SLC12A7: variants seen among roughly 807,000 people sequenced by gnomAD.
SLC12A7 encodes K-Cl cotransporter 4.
A neutral mutation model predicts 120.6 loss-of-function variants in SLC12A7; 100 were observed. That is an observed-to-expected ratio of 0.83 (90% CI 0.71 to 0.98). SLC12A7 has a LOEUF of 0.98. Among genes scored for constraint, SLC12A7 ranks in the 50% least tolerant of loss-of-function variants. The pLI is 0.00. For missense variants in SLC12A7, 1,373 were observed against 1,548.1 expected, an observed-to-expected ratio of 0.89 and a Z score of 1.90; for synonymous variants, 760 against 678.0, an observed-to-expected ratio of 1.12 and a Z score of -1.88.
intron 6 of SLC12A7, 101 bp downstream of exon 6, chr5:1,086,802 G>T: frequency 6.7e-7 from 1 of 1,482,696 alleles, no homozygotes; most frequent in Non-Finnish European, 9.2e-7. Context: ...GGGTCAGGAT[G>T]GCTCAGTGTG....
the SLC12A7 span, among the ~76,000 whole-genome samples, chr5:1,129,367 C>G: frequency 6.6e-6 from 1 of 152,232 alleles, no homozygotes; most frequent in Non-Finnish European, 1.5e-5. Flanking sequence ...TTAGCAGCCA[C>G]CCAAGGCAAG....
intron 1 of SLC12A7, among the ~76,000 whole-genome samples, chr5:1,108,486 G>A (rs1180443557): frequency 2.6e-5 from 4 of 152,178 alleles, no homozygotes; most frequent in African/African-American, 4.8e-5. Context: ...GGGCACAGCC[G>A]CGGGGTCAAC....
At chr5:1,094,052 G>A in intron 2 of SLC12A7, 102 bp downstream of exon 2, 2 of 853,368 alleles carry the variant, frequency 2.3e-6, no homozygotes, top group Non-Finnish European at 3.9e-6. Context: ...GTGGTGTCCA[G>A]TCCTGTGGGA....
chr5:1,069,248 C>T (rs965908924), intron 17 of SLC12A7, among the ~76,000 whole-genome samples: 1 of 152,240 alleles, frequency 6.6e-6, no homozygotes, highest in Non-Finnish European at 1.5e-5. Flanking sequence ...CATTTTTTAC[C>T]TCCATGGGAT....
chr5:1,064,120 A>G lies in SLC12A7; in HGVS notation c.2570T>C (p.Met857Thr). 6.2e-7 allele frequency: 1 copy of G among 1,610,250 alleles called. No individual in the cohort carries two copies. The highest frequency in any genetic ancestry group is 8.5e-7 in the Non-Finnish European group (1 of 1,178,312). ...DVWWIVHDGG[M>T]LMLLPFLLRQ... ...CAGCAGGAAGGGCAGCAGCATGAGC[A>G]TGCCGCCGTCGTGCACGATCCACCA... Residue 857 changes from methionine (M) to threonine (T), a missense_variant, in exon 19 of 24, where the codon ATG becomes ACG. Met to Thr is a moderately conservative substitution (Grantham distance 81). Transcript: ENST00000264930.
intron 22 of SLC12A7, among the ~76,000 whole-genome samples, chr5:1,056,327 G>A (rs1275224265): frequency 6.6e-6 from 1 of 152,146 alleles, no homozygotes; most frequent in Non-Finnish European, 1.5e-5. Context: ...TCAGTTCCTG[G>A]GCCTCACTTA....
rs746674754 is a variant in SLC12A7 at position 1,093,584 on chromosome 5, C to T, written c.291G>A (p.Gln97=). The T allele has an allele frequency of 1.1e-5, 17 of 1,612,262 alleles. 1 individual carries two copies. In the African/African-American group the frequency reaches 1.7e-4, roughly 16 times the overall value. ...CGTCCTCCTCGTGCTCCACCACGCC[C>T]TGGCTCAGGTTGGTGTAGTTGGCCA... ...NKLANYTNLS[Q]GVVEHEEDEE... Residue 97 remains glutamine, a synonymous_variant, in exon 3 of 24, where the codon CAG becomes CAA. Coordinates refer to ENST00000264930, the MANE Select transcript of SLC12A7 (RefSeq NM_006598.3).
the SLC12A7 span, among the ~76,000 whole-genome samples, chr5:1,144,686 G>T: frequency 1.3e-5 from 2 of 152,300 alleles, no homozygotes; most frequent in South Asian, 4.1e-4. Context: ...ATTAACACCT[G>T]TACCACTTCC....
At chr5:1,155,030 C>G in the SLC12A7 span, among the ~76,000 whole-genome samples, 1 of 152,204 alleles carries the variant, frequency 6.6e-6, no homozygotes, top group Non-Finnish European at 1.5e-5. Flanking sequence ...CAGGCAGGGC[C>G]CTCCTCAGCC....
intron 16 of SLC12A7, among the ~76,000 whole-genome samples, chr5:1,074,073 G>A (rs1738037719): frequency 1.3e-5 from 2 of 152,122 alleles, no homozygotes; most frequent in African/African-American, 4.8e-5. Context: ...AGCCAGGCAG[G>A]ACAGGAGAAC....
rs546348990 is a variant in SLC12A7 at position 1,050,400 on chromosome 5, T to TTTA, written c.*1957_*1959dup. 30 of 154,440 alleles carry TTTA rather than the reference T, an allele frequency of 1.9e-4. No homozygotes were observed. In the South Asian group the frequency reaches 2.5e-3, roughly 13 times the overall value. The allele number at this position is 154,440 out of a possible 1,614,324, so 9.6% of individuals were successfully genotyped here. On this transcript the variant is annotated 3_prime_UTR_variant, in exon 24 of 24. Coordinates refer to ENST00000264930, the MANE Select transcript of SLC12A7 (RefSeq NM_006598.3). ...TCAACGTACTCAGATTTCATAGGAT[T>TTTA]TTATTTTTCTACTAACACAGACAGA...
the SLC12A7 span, among the ~76,000 whole-genome samples, chr5:1,120,443 G>A: frequency 0.6 from 91,427 of 151,802 alleles, 27,635 homozygotes; most frequent in Non-Finnish European, 0.63. Flanking sequence ...GCCGGGGGAC[G>A]CGCGCCGTCG....
chr5:1,074,310 G>A (rs1461726388), intron 16 of SLC12A7, among the ~76,000 whole-genome samples: 3 of 152,164 alleles, frequency 2.0e-5, no homozygotes, highest in Admixed American at 6.5e-5. Flanking sequence ...GCTTCAGCAG[G>A]AGCCACCCTC....
chr5:1,102,351 T>C (rs1742102631), intron 1 of SLC12A7, among the ~76,000 whole-genome samples: 1 of 152,098 alleles, frequency 6.6e-6, no homozygotes, highest in Non-Finnish European at 1.5e-5. Flanking sequence ...CCCTCTGAGA[T>C]CACAATGCCT....
chr5:1,120,416 C>A, the SLC12A7 span, among the ~76,000 whole-genome samples: 2 of 152,230 alleles, frequency 1.3e-5, no homozygotes, highest in African/African-American at 4.8e-5. Context: ...TGGAGGAGCA[C>A]GTGGAGATGC....
At chr5:1,114,488 G>A (rs1743237225), upstream of SLC12A7, among the ~76,000 whole-genome samples, 1 of 152,158 alleles carries the variant, frequency 6.6e-6, no homozygotes, top group African/African-American at 2.4e-5. Context: ...CCTTCGCTCT[G>A]TGGGTTTCCG....
intron 17 of SLC12A7, among the ~76,000 whole-genome samples, chr5:1,072,497 T>TA (rs1374962069): frequency 1.0e-4 from 2 of 19,984 alleles, no homozygotes; most frequent in African/African-American, 4.0e-4. Flanking sequence ...GCATCACACT[T>TA]ATGCAGCCCC....
intron 12 of SLC12A7, among the ~76,000 whole-genome samples, chr5:1,077,269 G>A (rs1243590043): frequency 6.6e-6 from 1 of 152,208 alleles, no homozygotes; most frequent in Non-Finnish European, 1.5e-5. Context: ...AAGGCCCTGC[G>A]GGTCGGCACC....
At chr5:1,074,230 T>C (rs1738064477) in intron 16 of SLC12A7, among the ~76,000 whole-genome samples, 1 of 149,984 alleles carries the variant, frequency 6.7e-6, no homozygotes. Flanking sequence ...GAGGGGACAA[T>C]GGCCCGGGGC....
Sources: allele counts gnomAD v4.1 joint callset (sites outside exome capture counted in the v4.1 genomes callset), GRCh38; gene constraint gnomAD v4.1.1; transcripts MANE v1.5; gene names NCBI Gene and HGNC (gene_info 2026-07-23, HGNC 2026-07-21).